Variants in TENM3 observed in about 807,000 individuals in gnomAD.
The protein encoded by TENM3 is teneurin-3.
In TENM3, 63 loss-of-function variants were observed where a neutral mutation model predicts 255.1. The ratio of observed to expected loss-of-function variants is 0.25; its 90% CI spans 0.20 to 0.30. TENM3 has a LOEUF of 0.30. Among genes scored for constraint, TENM3 ranks in the 10% least tolerant of loss-of-function variants. The pLI is 1.00. For synonymous variants in TENM3, 1,306 were observed against 1,322.3 expected (o/e 0.99, Z 0.27); for missense variants, 2,929 against 3,461.1 (o/e 0.85, Z 3.86).
At chr4:181,997,804 C>T in the TENM3 span, among the ~76,000 whole-genome samples, 1 of 152,226 alleles carries the variant, frequency 6.6e-6, no homozygotes, top group Non-Finnish European at 1.5e-5. Context: ...TTAAGACTAA[C>T]TAATAAAAAA....
upstream of TENM3, among the ~76,000 whole-genome samples, chr4:182,240,874 C>T (rs773372076): frequency 3.3e-5 from 5 of 152,212 alleles, no homozygotes; most frequent in Non-Finnish European, 7.3e-5. Context: ...GACCAGCCTG[C>T]TATGTCCCCT....
chr4:181,865,796 T>C, the TENM3 span, among the ~76,000 whole-genome samples: 1 of 152,194 alleles, frequency 6.6e-6, no homozygotes, highest in African/African-American at 2.4e-5. Context: ...TTCTTCCGTT[T>C]GCATTATGAT....
At chr4:182,169,080 C>T (rs868221550) in intron 1 of TENM3, among the ~76,000 whole-genome samples, 10 of 151,292 alleles carry the variant, frequency 6.6e-5, no homozygotes, top group African/African-American at 2.4e-4. Context: ...GCCATACACA[C>T]ACACACACAC....
At chr4:182,376,377 A>G (rs951351885) in intron 3 of TENM3, among the ~76,000 whole-genome samples, 1 of 152,340 alleles carries the variant, frequency 6.6e-6, no homozygotes, top group South Asian at 2.1e-4. Context: ...CCTCTGCTCC[A>G]TCTTGTGACT....
chr4:181,510,328 G>A, the TENM3 span, among the ~76,000 whole-genome samples: 6 of 152,112 alleles, frequency 3.9e-5, no homozygotes, highest in Admixed American at 2.0e-4. Flanking sequence ...AAAAATGTGA[G>A]GTCCAGACAA....
chr4:181,973,694 A>G, the TENM3 span, among the ~76,000 whole-genome samples: 1 of 152,174 alleles, frequency 6.6e-6, no homozygotes, highest in Admixed American at 6.5e-5. Flanking sequence ...CCAGGAGTTG[A>G]AAGCTGAACT....
At chr4:182,260,098 A>G (rs975001950) in intron 1 of TENM3, among the ~76,000 whole-genome samples, 2 of 152,148 alleles carry the variant, frequency 1.3e-5, no homozygotes, top group Non-Finnish European at 2.9e-5. Context: ...GTAATATTCC[A>G]TTGTGTGTAT....
At chr4:181,938,837 A>G in the TENM3 span, among the ~76,000 whole-genome samples, 1 of 152,222 alleles carries the variant, frequency 6.6e-6, no homozygotes, top group African/African-American at 2.4e-5. Flanking sequence ...CACCCAGAAT[A>G]AAAGACTCTT....
the TENM3 span, among the ~76,000 whole-genome samples, chr4:181,507,257 G>A: frequency 1.3e-5 from 2 of 152,148 alleles, no homozygotes; most frequent in Non-Finnish European, 2.9e-5. Flanking sequence ...ATGGGGAGAA[G>A]AAGCTAACAT....
the TENM3 span, among the ~76,000 whole-genome samples, chr4:182,109,665 AG>A: frequency 6.6e-6 from 1 of 152,236 alleles, no homozygotes; most frequent in Non-Finnish European, 1.5e-5. Flanking sequence ...TACATGACCG[AG>A]TTAAGGATGC....
At chr4:181,846,235 C>G in the TENM3 span, among the ~76,000 whole-genome samples, 2 of 151,884 alleles carry the variant, frequency 1.3e-5, no homozygotes, top group Admixed American at 1.3e-4. Flanking sequence ...TAAAAATAAA[C>G]ATGTGAAAAT....
At chr4:181,574,468 T>C in the TENM3 span, among the ~76,000 whole-genome samples, 1 of 151,724 alleles carries the variant, frequency 6.6e-6, no homozygotes, top group African/African-American at 2.4e-5. Flanking sequence ...GAGGCGGAGC[T>C]TGCAGTGAGC....
the TENM3 span, among the ~76,000 whole-genome samples, chr4:181,497,622 C>T: frequency 6.6e-6 from 1 of 152,098 alleles, no homozygotes; most frequent in Non-Finnish European, 1.5e-5. Context: ...CTGTTCAAAT[C>T]GAAAGAAAAA....
Position 182,754,275 on chromosome 4 carries a change from C to T in TENM3, c.4018-110C>T. The stretch of plus-strand genomic sequence containing the variant: ...GGCTATTGAAAAAACTATTATCAGA[C>T]AGTTTATCTCAGATTAATGCCAATT... On this transcript the variant is annotated intron_variant, in intron 21 of 27. Coordinates refer to ENST00000511685, the MANE Select transcript of TENM3 (RefSeq NM_001080477.4). The surrounding 1 kb of genome is among the most constrained non-coding windows in gnomAD (Gnocchi z 5.1). 8.9e-7 allele frequency: 1 copy of T among 1,129,436 alleles called. No homozygotes were observed. The highest frequency in any genetic ancestry group is 1.2e-6 in the Non-Finnish European group (1 of 817,432). The allele number at this position is 1,129,436 out of a possible 1,614,324, so 70.0% of individuals were successfully genotyped here.
chr4:181,943,647 T>G, the TENM3 span, among the ~76,000 whole-genome samples: 3 of 152,350 alleles, frequency 2.0e-5, no homozygotes, highest in South Asian at 6.2e-4. Context: ...TTGTGACACC[T>G]CTTTGCCCGC....
intron 6 of TENM3, among the ~76,000 whole-genome samples, chr4:182,654,968 G>A (rs1316721876): frequency 3.9e-5 from 6 of 152,024 alleles, no homozygotes; most frequent in Non-Finnish European, 8.8e-5. Flanking sequence ...CCGCCATATG[G>A]AACCTTTTTA....
chr4:182,486,449 A>T (rs757721143), intron 3 of TENM3, among the ~76,000 whole-genome samples: 1 of 152,180 alleles, frequency 6.6e-6, no homozygotes, highest in Non-Finnish European at 1.5e-5. Flanking sequence ...CCTCCTTTGT[A>T]GGAATGGGGA....
chr4:181,725,339 G>A, the TENM3 span, among the ~76,000 whole-genome samples: 1 of 151,356 alleles, frequency 6.6e-6, no homozygotes, highest in African/African-American at 2.4e-5. Flanking sequence ...CGTGGTTTAT[G>A]TCTTTATATG....
intron 1 of TENM3, among the ~76,000 whole-genome samples, chr4:182,216,838 C>T (rs940293456): frequency 2.0e-5 from 3 of 151,996 alleles, no homozygotes; most frequent in Non-Finnish European, 2.9e-5. Context: ...ATCCTGAAAA[C>T]GATTCAGGTG....
Sources: gnomAD v4.1 joint callset for allele counts (sites outside exome capture counted in the v4.1 genomes callset) on GRCh38, gnomAD v4.1.1 for gene constraint, Gnocchi (gnomAD v3.1) non-coding constraint, MANE v1.5 for transcripts, NCBI Gene and HGNC (gene_info 2026-07-23, HGNC 2026-07-21) for gene names.